SUN3: variants seen among roughly 807,000 people sequenced by gnomAD.
SUN3 encodes the protein SUN domain-containing protein 3.
A neutral mutation model predicts 48.2 loss-of-function variants in SUN3; 36 were observed. The ratio of observed to expected loss-of-function variants is 0.75; its 90% confidence interval spans 0.57 to 0.99. The LOEUF is 0.99. SUN3 is among the 50% of genes least tolerant of loss of function. The pLI is 0.00. For synonymous variants in SUN3, 148 were observed against 147.9 expected (o/e 1.00, Z 0.00); for missense variants, 419 against 433.1 (o/e 0.97, Z 0.29).
At chr7:48,007,132 A>AGCCCAAACC in intron 5 of SUN3, 33 bp downstream of exon 5, 2 of 1,373,818 alleles carry the variant, frequency 1.5e-6, no homozygotes, top group Non-Finnish European at 1.0e-6. Flanking sequence ...CCACCACCCC[A>AGCCCAAACC]CCCTGCCCAA....
Position 47,996,081 on chromosome 7 carries a change from G to T in SUN3, c.643C>A (p.His215Asn). The T allele has an allele frequency of 6.3e-7, 1 of 1,596,078 alleles. No homozygotes were observed. The highest frequency in any genetic ancestry group is 8.5e-7 in the Non-Finnish European group (1 of 1,174,078). Residue 215 changes from histidine (H) to asparagine (N), a missense_variant, in exon 7 of 10, where the codon CAT becomes AAT. By Grantham distance (68) the His-to-Asn change is moderately conservative (BLOSUM62 1). Coordinates refer to ENST00000297325, the MANE Select transcript of SUN3 (RefSeq NM_001030019.2). ...TCATGATTTAGGAAACCTATCCCAT[G>T]CCAGTACAATTTTGCTTTATTATTT... ...YKNNKAKLYW[H>N]GIGFLNHEMP... is the part of the protein sequence containing the mutation.
At chr7:48,011,202 C>T (rs1212927956) in intron 3 of SUN3, among the ~76,000 whole-genome samples, 1 of 152,204 alleles carries the variant, frequency 6.6e-6, no homozygotes, top group Non-Finnish European at 1.5e-5. Flanking sequence ...CACCTTTCAA[C>T]CTCCTACAGT....
upstream of SUN3, among the ~76,000 whole-genome samples, chr7:48,030,546 A>G (rs1277633762): frequency 5.3e-5 from 8 of 152,306 alleles, no homozygotes; most frequent in Non-Finnish European, 5.9e-5. Context: ...TGTGCTCTGC[A>G]TCTTGCTTCT....
At position 48,001,542 on chromosome 7, in the gene SUN3, T is replaced by G. The variant is rs1441418674; in HGVS notation, c.577+4427A>C. Among the ~76,000 whole-genome samples, 10 of 142,278 alleles carry G rather than the reference T, an allele frequency of 7.0e-5. 1 individual carries two copies. Among genetic ancestry groups the G allele is most frequent in the African/African-American group, 2.1e-4 (8 of 38,724 alleles). 93.3% of individuals were successfully genotyped at this position (142,278 alleles called of 152,430 possible). On this transcript the variant is annotated intron_variant, in intron 6 of 9. Transcript: ENST00000297325. ...TTTCTGTTTTTTTTGTTTTTTTTTTTTTTTTTTTTGAGACAGAGTCTCGCT... is the reference window on the plus strand; with the variant it reads ...TTTCTGTTTTTTTTGTTTTTTTTTTGTTTTTTTTTGAGACAGAGTCTCGCT...
At chr7:48,011,093 C>T (rs1025139267) in intron 3 of SUN3, among the ~76,000 whole-genome samples, 1 of 152,194 alleles carries the variant, frequency 6.6e-6, no homozygotes, top group Non-Finnish European at 1.5e-5. Context: ...ACGATTTGAT[C>T]TCAAGAAACT....
intron 5 of SUN3, 92 bp from the exon 6 acceptor site, chr7:48,006,145 C>A: frequency 1.1e-6 from 1 of 908,786 alleles, no homozygotes. Flanking sequence ...ACCTAATTTG[C>A]AAAATTAGAA....
intron 3 of SUN3, among the ~76,000 whole-genome samples, 180 bp from the exon 4 acceptor site, chr7:48,009,255 T>C (rs548956904): frequency 5.3e-5 from 8 of 152,074 alleles, no homozygotes; most frequent in Non-Finnish European, 7.4e-5. Flanking sequence ...CTGTACATCA[T>C]GAATGTATTT....
chr7:48,003,109 G>A (rs895403745), intron 6 of SUN3, among the ~76,000 whole-genome samples: 1 of 152,080 alleles, frequency 6.6e-6, no homozygotes, highest in Non-Finnish European at 1.5e-5. Context: ...GTATATGGAA[G>A]GGGTCCAATT....
upstream of SUN3, chr7:48,029,138 C>G: frequency 1.4e-6 from 1 of 695,702 alleles, no homozygotes; most frequent in East Asian, 3.3e-5. Context: ...CTCCGTGACA[C>G]CTCATAATGC....
the SUN3 span, among the ~76,000 whole-genome samples, chr7:48,034,793 A>C: frequency 6.6e-6 from 1 of 152,200 alleles, no homozygotes; most frequent in Admixed American, 6.5e-5. Flanking sequence ...CACTTAAGCC[A>C]AGTGTTTGGA....
chr7:47,996,010 T>G, intron 7 of SUN3, 21 bp downstream of exon 7: 1 of 1,356,290 alleles, frequency 7.4e-7, no homozygotes, highest in Non-Finnish European at 1.0e-6. Context: ...TAGAAATAAG[T>G]GATTCTTAAT....
At chr7:48,021,042 A>G (rs906153326) in intron 2 of SUN3, among the ~76,000 whole-genome samples, 16 of 152,180 alleles carry the variant, frequency 1.1e-4, no homozygotes, top group Admixed American at 6.5e-5. Context: ...TACAGAGCTT[A>G]GTAACCAAAA....
chr7:48,024,191 T>C (rs1191634208), intron 2 of SUN3, among the ~76,000 whole-genome samples: 1 of 152,142 alleles, frequency 6.6e-6, no homozygotes, highest in Non-Finnish European at 1.5e-5. Context: ...CAAACCTTCG[T>C]GTATCAAAGA....
intron 2 of SUN3, among the ~76,000 whole-genome samples, chr7:48,019,977 CAAAAAAAA>C (rs869166401): frequency 0.046 from 2,937 of 64,228 alleles, 87 homozygotes; most frequent in African/African-American, 0.12. Flanking sequence ...AAAGACACAT[CAAAAAAAA>C]AAAAAAAAAA....
At position 48,007,164 on chromosome 7, in the gene SUN3, C is replaced by T; in HGVS notation, c.492+1G>A. On this transcript the variant is annotated splice_donor_variant, in intron 5 of 9. Coordinates refer to ENST00000297325, the MANE Select transcript of SUN3 (RefSeq NM_001030019.2). LOFTEE classifies it high-confidence loss of function. ...CCAACCCGCCTAGCCTCATCCAGGA[C>T]CTCTGTGTGGTCCGGGTCCTCCACA... 2 of 1,612,720 alleles carry T rather than the reference C, an allele frequency of 1.2e-6. No homozygotes were observed. Among genetic ancestry groups the T allele is most frequent in the Non-Finnish European group, 1.7e-6 (2 of 1,179,330 alleles).
chr7:48,016,216 C>T (rs1229420000), intron 3 of SUN3, among the ~76,000 whole-genome samples: 1 of 152,182 alleles, frequency 6.6e-6, no homozygotes, highest in African/African-American at 2.4e-5. Flanking sequence ...CTCTACGATT[C>T]CATCTCCAAC....
intron 3 of SUN3, among the ~76,000 whole-genome samples, chr7:48,010,452 A>G (rs1320765818): frequency 6.6e-6 from 1 of 152,192 alleles, no homozygotes; most frequent in Non-Finnish European, 1.5e-5. Context: ...CTACCCTGAC[A>G]TGTTTTACTC....
intron 2 of SUN3, among the ~76,000 whole-genome samples, chr7:48,022,341 C>T (rs1027327870): frequency 1.1e-4 from 17 of 151,934 alleles, no homozygotes; most frequent in African/African-American, 4.1e-4. Context: ...ATAAATAAGA[C>T]GTACTATTTG....
At chr7:48,028,630 G>A (rs1245015316) in intron 1 of SUN3, among the ~76,000 whole-genome samples, 187 bp downstream of exon 1, 1 of 151,880 alleles carries the variant, frequency 6.6e-6, no homozygotes, top group Non-Finnish European at 1.5e-5. Flanking sequence ...CGTTGACATA[G>A]AAGTATTGTG....
Sources: gnomAD v4.1 joint callset for allele counts (sites outside exome capture counted in the v4.1 genomes callset) on GRCh38, gnomAD v4.1.1 for gene constraint, MANE v1.5 for transcripts, NCBI Gene and HGNC (gene_info 2026-07-23, HGNC 2026-07-21) for gene names.